Variants in BABAM2 observed in about 807,000 individuals in gnomAD.
The protein encoded by BABAM2 is BRISC and BRCA1-A complex member 2.
A neutral mutation model predicts 54.7 loss-of-function variants in BABAM2; 31 were observed. The observed-to-expected ratio is 0.57, with a 90% CI of 0.43 to 0.77. The LOEUF (loss-of-function observed/expected upper bound fraction) is 0.77, where lower values mean the gene tolerates loss of function less well. Ranked by LOEUF, BABAM2 falls within the 30% of genes least tolerant of loss-of-function variation. BABAM2 has a pLI of 0.00. For synonymous variants in BABAM2, 167 were observed against 162.9 expected (o/e 1.03, Z -0.19); for missense variants, 364 against 455.8 (o/e 0.80, Z 1.83).
At chr2:28,076,146 G>C (rs748852801) in intron 6 of BABAM2, among the ~76,000 whole-genome samples, 5 of 151,994 alleles carry the variant, frequency 3.3e-5, no homozygotes, top group African/African-American at 1.2e-4. Context: ...ATGGTGGCAT[G>C]CACTTGTATT....
At chr2:28,221,482 C>A (rs1196073195) in intron 7 of BABAM2, among the ~76,000 whole-genome samples, 2 of 151,974 alleles carry the variant, frequency 1.3e-5, no homozygotes, top group Non-Finnish European at 2.9e-5. Context: ...AATTTAGCCA[C>A]AAAAAAATGT....
At chr2:27,900,953 G>A (rs1371335281) in intron 2 of BABAM2, among the ~76,000 whole-genome samples, 2 of 148,814 alleles carry the variant, frequency 1.3e-5, no homozygotes, top group Non-Finnish European at 3.0e-5. Context: ...TGAGGCAGGA[G>A]AATGGCGTGA....
intron 3 of BABAM2, among the ~76,000 whole-genome samples, chr2:27,987,285 T>A (rs1573333114): frequency 6.6e-6 from 1 of 152,348 alleles, no homozygotes; most frequent in South Asian, 2.1e-4. Context: ...CTTTCCATTA[T>A]ACAAAAGTAT....
At chr2:28,315,698 G>A (rs1689498804) in intron 11 of BABAM2, among the ~76,000 whole-genome samples, 1 of 149,512 alleles carries the variant, frequency 6.7e-6, no homozygotes, top group African/African-American at 2.5e-5. Context: ...TCACTATGTT[G>A]CCCAGGCTGG....
chr2:28,335,875 G>C (rs907649757), intron 11 of BABAM2, among the ~76,000 whole-genome samples: 1 of 152,164 alleles, frequency 6.6e-6, no homozygotes, highest in Non-Finnish European at 1.5e-5. Context: ...AGCTCAGGGG[G>C]GTCTGTGACA....
intron 6 of BABAM2, among the ~76,000 whole-genome samples, chr2:28,116,769 G>A (rs1161541028): frequency 1.3e-5 from 2 of 152,160 alleles, no homozygotes; most frequent in Non-Finnish European, 2.9e-5. Context: ...CTCATGCCTG[G>A]ATCTTGCTGG....
At chr2:28,308,659 A>T (rs1688776695) in intron 11 of BABAM2, 2 of 303,804 alleles carry the variant, frequency 6.6e-6, no homozygotes, top group African/African-American at 2.2e-5. Context: ...AGGTCCTCTG[A>T]CCCTTCTGCA....
chr2:28,054,664 C>T (rs76631675), intron 6 of BABAM2, among the ~76,000 whole-genome samples: 2,098 of 152,312 alleles, frequency 0.014, 57 homozygotes, highest in African/African-American at 0.048. Context: ...CAGGCCCTCA[C>T]CAGACACCAC....
At chr2:28,248,212 T>TCTTTTTTTTTTC (rs61167163) in intron 10 of BABAM2, among the ~76,000 whole-genome samples, 1 of 118,380 alleles carries the variant, frequency 8.4e-6, no homozygotes, top group African/African-American at 3.1e-5. Context: ...TTTTTCTTTT[T>TCTTTTTTTTTTC]TTTTTTTTTT....
At chr2:28,151,677 AT>A (rs1163517212) in intron 7 of BABAM2, among the ~76,000 whole-genome samples, 6 of 151,692 alleles carry the variant, frequency 4.0e-5, no homozygotes, top group Admixed American at 3.3e-4. Flanking sequence ...CTAATTACTA[AT>A]ACAAGCATGA....
At chr2:28,185,972 C>T (rs949196672) in intron 7 of BABAM2, among the ~76,000 whole-genome samples, 1 of 152,150 alleles carries the variant, frequency 6.6e-6, no homozygotes. Flanking sequence ...AGATTTCTTT[C>T]TTTAAAAGCT....
chr2:27,980,071 C>G (rs1573316763), intron 3 of BABAM2, among the ~76,000 whole-genome samples: 1 of 152,278 alleles, frequency 6.6e-6, no homozygotes, highest in East Asian at 1.9e-4. Context: ...ACTTCTGCCC[C>G]CATTGCTCCC....
chr2:28,095,847 G>T (rs1389915209), intron 6 of BABAM2, among the ~76,000 whole-genome samples: 1 of 152,164 alleles, frequency 6.6e-6, no homozygotes, highest in Admixed American at 6.5e-5. Context: ...AGGTGAAGAA[G>T]AGAACCAACA....
intron 6 of BABAM2, among the ~76,000 whole-genome samples, chr2:28,084,147 C>T (rs895078303): frequency 2.0e-5 from 3 of 152,046 alleles, no homozygotes; most frequent in East Asian, 1.9e-4. Context: ...AGAGACACAG[C>T]GGCAACCATA....
At chr2:28,299,234 A>C (rs1271788879) in intron 11 of BABAM2, among the ~76,000 whole-genome samples, 3 of 152,228 alleles carry the variant, frequency 2.0e-5, no homozygotes, top group African/African-American at 7.2e-5. Flanking sequence ...AGTTAGCTAA[A>C]GTTTGGAGTT....
intron 11 of BABAM2, among the ~76,000 whole-genome samples, chr2:28,311,854 C>T (rs894772159): frequency 2.6e-5 from 4 of 152,164 alleles, no homozygotes; most frequent in Admixed American, 2.0e-4. Flanking sequence ...TTAAGTACAC[C>T]GTGTACGTGA....
chr2:27,986,281 G>C (rs1405288955), intron 3 of BABAM2, among the ~76,000 whole-genome samples: 1 of 152,080 alleles, frequency 6.6e-6, no homozygotes, highest in Admixed American at 6.6e-5. Context: ...AGGGCAGCTA[G>C]TATTAGGAGA....
chr2:28,310,084 G>A (rs764027549), intron 11 of BABAM2: 1 of 1,614,206 alleles, frequency 6.2e-7, no homozygotes, highest in Non-Finnish European at 8.5e-7. Context: ...CCTTACAGAA[G>A]AGAGAGCAAC....
chr2:28,216,455 G>A (rs1679923955), intron 7 of BABAM2, among the ~76,000 whole-genome samples: 1 of 152,184 alleles, frequency 6.6e-6, no homozygotes, highest in Non-Finnish European at 1.5e-5. Flanking sequence ...AAACCAGCCT[G>A]TAATTGCAGT....
Sources: allele counts gnomAD v4.1 joint callset (sites outside exome capture counted in the v4.1 genomes callset), GRCh38; gene constraint gnomAD v4.1.1; transcripts MANE v1.5; gene names NCBI Gene and HGNC (gene_info 2026-07-23, HGNC 2026-07-21).